Variants in ROBO2 observed in about 807,000 individuals in gnomAD.
ROBO2 encodes the protein roundabout homolog 2.
ROBO2 carries 53 observed loss-of-function variants against 160.8 expected under a neutral mutation model. The observed-to-expected ratio is 0.33, with a 90% CI of 0.26 to 0.41. The LOEUF (loss-of-function observed/expected upper bound fraction) is 0.41. ROBO2 is among the 10% of genes least tolerant of loss of function. The pLI is 1.00. For synonymous variants in ROBO2, 664 were observed against 611.7 expected, an observed-to-expected ratio of 1.09 and a Z score of -1.26; for missense variants, 1,577 against 1,722.4, an observed-to-expected ratio of 0.92 and a Z score of 1.49.
At chr3:77,382,815 T>A (rs975089019) in intron 2 of ROBO2, among the ~76,000 whole-genome samples, 1 of 152,210 alleles carries the variant, frequency 6.6e-6, no homozygotes, top group Non-Finnish European at 1.5e-5. Flanking sequence ...TATCCACTCA[T>A]TAGTCAATAG....
rs1266061469 is a variant in ROBO2 at position 77,189,515 on chromosome 3, G to A, written c.388+91175G>A. 4.0e-5 allele frequency among the ~76,000 whole-genome samples: 6 copies of A among 151,766 alleles called. No individual in the cohort carries two copies. The East Asian group carries it at 1.2e-3, about 29-fold the overall frequency. On this transcript the variant is annotated intron_variant, in intron 2 of 25. Coordinates refer to ENST00000461745, the Ensembl canonical transcript of ROBO2. Reference sequence around the variant, plus strand: ...TCAATCACCGTGACATAAAGAAATAGCAAACCTTGAACATGTCAGAACAGT... The same window carrying A: ...TCAATCACCGTGACATAAAGAAATAACAAACCTTGAACATGTCAGAACAGT...
chr3:76,049,401 A>ATTTTTTTTTTTTTTT (rs1306305555), intron 2 of ROBO2, among the ~76,000 whole-genome samples: 10 of 63,736 alleles, frequency 1.6e-4, no homozygotes, highest in Non-Finnish European at 2.0e-4. Context: ...ATATATATAT[A>ATTTTTTTTTTTTTTT]TATTTTTTTT....
intron 2 of ROBO2, among the ~76,000 whole-genome samples, chr3:76,214,624 C>T (rs564568405): frequency 6.6e-5 from 10 of 152,276 alleles, no homozygotes; most frequent in Admixed American, 3.9e-4. Context: ...GAAGGGCGTC[C>T]GCCATTGCTG....
intron 2 of ROBO2, among the ~76,000 whole-genome samples, chr3:77,283,472 T>G (rs1213269414): frequency 6.6e-6 from 1 of 152,218 alleles, no homozygotes; most frequent in Non-Finnish European, 1.5e-5. Context: ...AAAGCTTTTC[T>G]TATTAAAACT....
intron 2 of ROBO2, among the ~76,000 whole-genome samples, chr3:76,941,715 G>A (rs1393906677): frequency 1.3e-5 from 2 of 152,104 alleles, no homozygotes; most frequent in Non-Finnish European, 2.9e-5. Flanking sequence ...ATCTCTTTGG[G>A]ATGATTGTGT....
intron 2 of ROBO2, among the ~76,000 whole-genome samples, chr3:76,007,958 A>G (rs1383975185): frequency 6.6e-6 from 1 of 152,044 alleles, no homozygotes; most frequent in Non-Finnish European, 1.5e-5. Context: ...CTGATGCTAA[A>G]TAAGTCTGGG....
chr3:76,718,968 A>T (rs1022542224), intron 2 of ROBO2, among the ~76,000 whole-genome samples: 2 of 152,100 alleles, frequency 1.3e-5, no homozygotes, highest in African/African-American at 4.8e-5. Flanking sequence ...GCACGGACAT[A>T]TTTTTCAAGC....
intron 2 of ROBO2, among the ~76,000 whole-genome samples, chr3:76,455,881 C>CA (rs1265883185): frequency 6.6e-6 from 1 of 151,962 alleles, no homozygotes; most frequent in Non-Finnish European, 1.5e-5. Flanking sequence ...TACACTATAC[C>CA]AATTCTATTT....
chr3:77,200,186 G>A (rs66988598), intron 2 of ROBO2, among the ~76,000 whole-genome samples: 5,443 of 144,530 alleles, frequency 0.038, 134 homozygotes, highest in African/African-American at 0.062. Context: ...TTCTAACAAT[G>A]TTTTTCCAAC....
chr3:77,625,778 TAACTA>T (rs2095007441), intron 23 of ROBO2, among the ~76,000 whole-genome samples: 1 of 150,502 alleles, frequency 6.6e-6, no homozygotes, highest in Non-Finnish European at 1.5e-5. Flanking sequence ...AACAAGAAAC[TAACTA>T]ACAAACAAAA....
At chr3:77,191,470 G>A (rs2081845597) in intron 2 of ROBO2, among the ~76,000 whole-genome samples, 1 of 152,044 alleles carries the variant, frequency 6.6e-6, no homozygotes, top group Admixed American at 6.6e-5. Context: ...GTGATCTCTA[G>A]GGATAAGAGG....
chr3:77,625,096 A>G (rs1481944319), intron 23 of ROBO2, among the ~76,000 whole-genome samples: 1 of 152,172 alleles, frequency 6.6e-6, no homozygotes, highest in Admixed American at 6.5e-5. Flanking sequence ...TTGTTTTTAT[A>G]ACAACTAATT....
chr3:76,365,828 C>CA (rs74827374), intron 2 of ROBO2, among the ~76,000 whole-genome samples: 11,186 of 152,112 alleles, frequency 0.074, 927 homozygotes, highest in East Asian at 0.4. Flanking sequence ...TAACGACCAA[C>CA]ATAAATCCAC....
chr3:76,562,603 G>A (rs183645065), intron 2 of ROBO2, among the ~76,000 whole-genome samples: 1 of 152,136 alleles, frequency 6.6e-6, no homozygotes, highest in Admixed American at 6.6e-5. Flanking sequence ...ACAACCAATG[G>A]AGAATAAAAG....
chr3:77,612,477 T>C (rs951912665), intron 21 of ROBO2, among the ~76,000 whole-genome samples: 5 of 152,218 alleles, frequency 3.3e-5, no homozygotes, highest in African/African-American at 1.2e-4. Context: ...TCATTTATTC[T>C]TCCAGGTTCT....
intron 2 of ROBO2, among the ~76,000 whole-genome samples, chr3:77,440,397 G>T (rs1254027570): frequency 6.6e-6 from 1 of 152,080 alleles, no homozygotes; most frequent in Non-Finnish European, 1.5e-5. Context: ...TAAATCACCA[G>T]TATCACATAC....
At chr3:76,720,785 C>G (rs1419324654) in intron 2 of ROBO2, among the ~76,000 whole-genome samples, 1 of 152,112 alleles carries the variant, frequency 6.6e-6, no homozygotes, top group African/African-American at 2.4e-5. Flanking sequence ...TTTTGCAAAG[C>G]CTGCCACTGA....
At chr3:77,572,371 GTTGCCT>G (rs1219397763) in intron 13 of ROBO2, among the ~76,000 whole-genome samples, 3 of 151,836 alleles carry the variant, frequency 2.0e-5, no homozygotes, top group African/African-American at 7.3e-5. Context: ...TCGCCTCTTG[GTTGCCT>G]TATTTCATAG....
chr3:76,963,475 T>C (rs1330203422), intron 2 of ROBO2, among the ~76,000 whole-genome samples: 4 of 152,158 alleles, frequency 2.6e-5, no homozygotes, highest in Non-Finnish European at 5.9e-5. Flanking sequence ...AGAGTGATTC[T>C]AAAGAAAGAA....
Sources: allele counts gnomAD v4.1 joint callset (sites outside exome capture counted in the v4.1 genomes callset), GRCh38; gene constraint gnomAD v4.1.1; transcripts MANE v1.5; gene names NCBI Gene and HGNC (gene_info 2026-07-23, HGNC 2026-07-21).